Variants in MRPL13 observed in about 807,000 individuals in gnomAD.
MRPL13 encodes mitochondrial ribosomal protein L13, also known as large ribosomal subunit protein uL13m.
Under a neutral mutation model 29.0 loss-of-function variants are expected in MRPL13, and 33 were observed. The ratio of observed to expected loss-of-function variants is 1.14; its 90% CI spans 0.86 to 1.52. The LOEUF (loss-of-function observed/expected upper bound fraction) is 1.52. Ranked by LOEUF, MRPL13 falls within the 40% of genes most tolerant of loss-of-function variation. MRPL13 has a pLI of 0.00. For synonymous variants in MRPL13, 77 were observed against 68.4 expected (o/e 1.13, Z -0.62); for missense variants, 227 against 216.7 (o/e 1.05, Z -0.30).
rs558714453 is a variant in MRPL13, at chr8:120,424,888, G to A, written c.306+418C>T. ...GAAGAAATTAATCTACAATTGAGAT[G>A]TTAATAAACAAAAATAAACTCAGAT... On this transcript the variant is annotated intron_variant, in intron 4 of 6. Transcript: ENST00000306185. Among the ~76,000 whole-genome samples, 273 of 152,192 alleles carry A rather than the reference G, an allele frequency of 1.8e-3. 1 individual carries two copies. Among genetic ancestry groups the A allele is most frequent in the African/African-American group, 6.3e-3 (262 of 41,550 alleles).
chr8:120,400,746 A>AAT (rs1563769902), intron 6 of MRPL13, among the ~76,000 whole-genome samples: 6 of 80,474 alleles, frequency 7.5e-5, no homozygotes, highest in African/African-American at 3.0e-4. Context: ...ATAAATAAAA[A>AAT]AAATAGACTG....
chr8:120,418,394 T>A (rs1812830026), intron 5 of MRPL13, among the ~76,000 whole-genome samples: 1 of 152,100 alleles, frequency 6.6e-6, no homozygotes, highest in Non-Finnish European at 1.5e-5. Flanking sequence ...GGATCAAGGA[T>A]CAATCTCCTG....
chr8:120,429,771 C>T (rs1812977545), intron 3 of MRPL13, among the ~76,000 whole-genome samples: 1 of 152,136 alleles, frequency 6.6e-6, no homozygotes, highest in Non-Finnish European at 1.5e-5. Context: ...CAGGGATGTT[C>T]ATATCCCTGA....
chr8:120,425,268 T>G, intron 4 of MRPL13, 38 bp downstream of exon 4: 1 of 1,520,366 alleles, frequency 6.6e-7, no homozygotes, highest in Non-Finnish European at 9.1e-7. Context: ...TGAATTGGTC[T>G]TTCCAAAGAT....
intron 3 of MRPL13, among the ~76,000 whole-genome samples, 180 bp downstream of exon 3, chr8:120,431,850 C>T (rs1288781170): frequency 2.0e-5 from 3 of 152,038 alleles, no homozygotes; most frequent in African/African-American, 7.2e-5. Flanking sequence ...CAGGTAATAG[C>T]TATATTTGGT....
Position 120,425,310 on chromosome 8 carries a change from A to T in MRPL13, c.302T>A (p.Val101Glu), listed in dbSNP as rs1377528807. The T allele has an allele frequency of 1.9e-6, 3 of 1,611,470 alleles. No homozygotes were observed. Among genetic ancestry groups the T allele is most frequent in the South Asian group, 1.1e-5 (1 of 90,920 alleles). The change falls in exon 4 of 7, where the codon GTG becomes GAG. Residue 101 changes from valine to glutamate, a missense_variant. Physicochemically the swap from Val to Glu is moderately radical, Grantham distance 121. Transcript: ENST00000306185. ...TAAAAAATACAAGAAACTTACTGCC[A>T]CTGGATCCCTCAGGTGAAGCTGAGC... Reference protein sequence around the residue: ...TAAQLHLRDPVAIVKLAIYGM... With the variant: ...TAAQLHLRDPEAIVKLAIYGM...
At chr8:120,406,746 G>A (rs1812672969) in intron 6 of MRPL13, among the ~76,000 whole-genome samples, 1 of 151,944 alleles carries the variant, frequency 6.6e-6, no homozygotes, top group South Asian at 2.1e-4. Flanking sequence ...AAATATACTT[G>A]GGAGATTAAT....
intron 4 of MRPL13, among the ~76,000 whole-genome samples, chr8:120,420,856 T>G (rs1014192425): frequency 6.6e-5 from 10 of 152,016 alleles, no homozygotes; most frequent in African/African-American, 2.4e-4. Context: ...TTAGTTGTAT[T>G]TATTTGAATT....
intron 6 of MRPL13, among the ~76,000 whole-genome samples, chr8:120,404,562 T>C (rs1022070875): frequency 1.3e-5 from 2 of 152,200 alleles, no homozygotes; most frequent in African/African-American, 2.4e-5. Flanking sequence ...TTCTCTAGGA[T>C]TGCCAGAAAG....
In MRPL13 at chr8:120,395,985, C is replaced by T. The variant is rs1377015557; in HGVS notation, c.*119G>A. On this transcript the variant is annotated 3_prime_UTR_variant, in exon 7 of 7. Coordinates refer to ENST00000306185, the MANE Select transcript of MRPL13 (RefSeq NM_014078.6). ...TTCCTGACCTTTCCCCACAGTGATTCGGCACATAAAACAGGTGCTGAACTG... is the reference window on the plus strand; with the variant it reads ...TTCCTGACCTTTCCCCACAGTGATTTGGCACATAAAACAGGTGCTGAACTG... 3.0e-5 allele frequency: 23 copies of T among 756,378 alleles called. 1 individual carries two copies. Among genetic ancestry groups the T allele is most frequent in the East Asian group, 2.3e-4 (8 of 34,132 alleles). 46.9% of individuals were successfully genotyped at this position (756,378 alleles called of 1,614,324 possible).
rs189745936 is a variant in MRPL13, at chr8:120,426,619, G to T, written c.246-1253C>A. The stretch of plus-strand genomic sequence containing the variant: ...TCAGAAGTCTGGACTTTATTCTGAC[G>T]TATTTGGAAAGCTAATGTAAAATTT... On this transcript the variant is annotated intron_variant, in intron 3 of 6. Transcript: ENST00000306185. 5.1e-3 allele frequency among the ~76,000 whole-genome samples: 770 copies of T among 152,226 alleles called. 10 individuals carry two copies. Among genetic ancestry groups the T allele is most frequent in the African/African-American group, 0.018 (728 of 41,564 alleles).
chr8:120,420,471 TATATAA>T (rs1266603176), intron 4 of MRPL13, among the ~76,000 whole-genome samples: 1 of 147,606 alleles, frequency 6.8e-6, no homozygotes, highest in African/African-American at 2.5e-5. Context: ...TATATAAACA[TATATAA>T]ATATATATAA....
chr8:120,400,740 AT>A (rs1321872257), intron 6 of MRPL13, among the ~76,000 whole-genome samples: 49 of 93,408 alleles, frequency 5.2e-4, no homozygotes, highest in African/African-American at 1.5e-3. Flanking sequence ...AAATAAATAA[AT>A]AAAAAAAATA....
chr8:120,408,454 T>C (rs1255554620), intron 6 of MRPL13, among the ~76,000 whole-genome samples: 6 of 152,214 alleles, frequency 3.9e-5, no homozygotes, highest in African/African-American at 2.4e-5. Flanking sequence ...GAATGCCTAA[T>C]TTGAGCAAAA....
chr8:120,408,467 C>G (rs892373100), intron 6 of MRPL13, among the ~76,000 whole-genome samples: 2 of 152,160 alleles, frequency 1.3e-5, no homozygotes, highest in Non-Finnish European at 2.9e-5. Flanking sequence ...GAGCAAAACC[C>G]AGGACTGGAA....
intron 2 of MRPL13, among the ~76,000 whole-genome samples, chr8:120,437,617 A>G (rs372249222): frequency 3.7e-4 from 56 of 152,266 alleles, no homozygotes; most frequent in African/African-American, 1.3e-3. Flanking sequence ...CAAATTCAAG[A>G]GGGCAGCTCT....
chr8:120,398,808 T>G (rs548268423), intron 6 of MRPL13, among the ~76,000 whole-genome samples: 77 of 152,242 alleles, frequency 5.1e-4, no homozygotes, highest in African/African-American at 1.9e-3. Context: ...AGAGGAGCAT[T>G]ACTGACCTGA....
chr8:120,442,553 T>C (rs940672393), intron 2 of MRPL13, among the ~76,000 whole-genome samples: 14 of 152,182 alleles, frequency 9.2e-5, no homozygotes, highest in African/African-American at 3.4e-4. Flanking sequence ...AAAAATGTGA[T>C]CAATTGCAGC....
chr8:120,441,844 G>A (rs1281826848), intron 2 of MRPL13, among the ~76,000 whole-genome samples: 1 of 152,122 alleles, frequency 6.6e-6, no homozygotes, highest in Non-Finnish European at 1.5e-5. Flanking sequence ...GCATGCTGAA[G>A]TACTTTGGGG....
Sources: gnomAD v4.1 joint callset for allele counts (sites outside exome capture counted in the v4.1 genomes callset) on GRCh38, gnomAD v4.1.1 for gene constraint, MANE v1.5 for transcripts, NCBI Gene and HGNC (gene_info 2026-07-23, HGNC 2026-07-21) for gene names.